Variants in OR2C1 observed in about 807,000 individuals in gnomAD.
OR2C1 encodes olfactory receptor 2C1.
For missense variants in OR2C1, 468 were observed against 388.3 expected, an observed-to-expected ratio of 1.21 and a Z score of -1.73; for synonymous variants, 209 against 167.3, an observed-to-expected ratio of 1.25 and a Z score of -1.92.
the OR2C1 span, among the ~76,000 whole-genome samples, chr16:3,326,182 C>G: frequency 0.061 from 9,334 of 151,920 alleles, 983 homozygotes; most frequent in African/African-American, 0.21. Context: ...GCCCGCCTCG[C>G]CCTCCCAAAG....
At chr16:3,344,944 T>A in the OR2C1 span, among the ~76,000 whole-genome samples, 1 of 149,702 alleles carries the variant, frequency 6.7e-6, no homozygotes, top group African/African-American at 2.5e-5. Flanking sequence ...TATATGTATG[T>A]GTGTATATAT....
chr16:3,331,801 C>T, the OR2C1 span, among the ~76,000 whole-genome samples: 10 of 149,284 alleles, frequency 6.7e-5, no homozygotes, highest in Admixed American at 6.7e-4. Flanking sequence ...GCATTATTCA[C>T]AATAGCAAAG....
the OR2C1 span, among the ~76,000 whole-genome samples, chr16:3,344,450 G>T: frequency 1.3e-5 from 2 of 152,206 alleles, no homozygotes; most frequent in South Asian, 2.1e-4. Context: ...TTTGATGGCC[G>T]GGCACGGTGG....
chr16:3,329,748 CTTTTTT>C, the OR2C1 span, among the ~76,000 whole-genome samples: 7,753 of 62,570 alleles, frequency 0.12, 421 homozygotes, highest in Non-Finnish European at 0.15. Flanking sequence ...GGCGCCCGGC[CTTTTTT>C]TTTTTTTTTT....
At chr16:3,327,884 T>C in the OR2C1 span, among the ~76,000 whole-genome samples, 1 of 152,172 alleles carries the variant, frequency 6.6e-6, no homozygotes, top group Non-Finnish European at 1.5e-5. Flanking sequence ...AAATAAATAT[T>C]CAAAGCATTA....
the OR2C1 span, chr16:3,323,014 G>A: frequency 5.1e-6 from 4 of 777,430 alleles, no homozygotes; most frequent in Non-Finnish European, 6.2e-6. Context: ...GTGATGAGAG[G>A]TACTTGCCAT....
At chr16:3,333,210 C>CTTTTTTTTTTTTTTTTTTTTTTTT in the OR2C1 span, among the ~76,000 whole-genome samples, 12 of 33,030 alleles carry the variant, frequency 3.6e-4, 6 homozygotes, top group Non-Finnish European at 4.0e-4. Context: ...ATCTTTTGCC[C>CTTTTTTTTTTTTTTTTTTTTTTTT]ATTTTTTTTT....
At chr16:3,332,887 T>C in the OR2C1 span, among the ~76,000 whole-genome samples, 74 of 152,254 alleles carry the variant, frequency 4.9e-4, no homozygotes, top group African/African-American at 1.7e-3. Context: ...CTTTTGAATA[T>C]ATATCCAGTA....
the OR2C1 span, among the ~76,000 whole-genome samples, chr16:3,346,271 A>G: frequency 1.3e-5 from 2 of 152,190 alleles, no homozygotes; most frequent in Non-Finnish European, 2.9e-5. Context: ...CCAAGTGACT[A>G]AGACATGACT....
chr16:3,335,099 G>A, the OR2C1 span, among the ~76,000 whole-genome samples: 3 of 152,180 alleles, frequency 2.0e-5, no homozygotes, highest in Non-Finnish European at 2.9e-5. Flanking sequence ...GATTACAGGC[G>A]TGAGCCACCA....
chr16:3,339,385 A>G, the OR2C1 span, among the ~76,000 whole-genome samples: 1 of 151,878 alleles, frequency 6.6e-6, no homozygotes, highest in African/African-American at 2.4e-5. Flanking sequence ...TTGGAGTGGA[A>G]TTGTGGGGTT....
At chr16:3,331,847 C>T in the OR2C1 span, among the ~76,000 whole-genome samples, 4 of 149,852 alleles carry the variant, frequency 2.7e-5, no homozygotes, top group African/African-American at 9.8e-5. Context: ...CAATGATAGA[C>T]TGGATTAAGA....
the OR2C1 span, among the ~76,000 whole-genome samples, chr16:3,331,913 C>T: frequency 6.6e-6 from 1 of 151,852 alleles, no homozygotes; most frequent in Non-Finnish European, 1.5e-5. Flanking sequence ...ATGATGAGTT[C>T]ACGTCCTTTG....
At chr16:3,329,517 T>C in the OR2C1 span, among the ~76,000 whole-genome samples, 1 of 152,062 alleles carries the variant, frequency 6.6e-6, no homozygotes, top group East Asian at 1.9e-4. Flanking sequence ...TGGCGCGATC[T>C]CAGCTCACTG....
chr16:3,339,129 G>C, the OR2C1 span, among the ~76,000 whole-genome samples: 1 of 152,084 alleles, frequency 6.6e-6, no homozygotes. Flanking sequence ...TTTGGGTCTG[G>C]CTTCTCTCAT....
chr16:3,353,902 A>G (rs1455963010), upstream of OR2C1, among the ~76,000 whole-genome samples: 4 of 151,578 alleles, frequency 2.6e-5, no homozygotes, highest in African/African-American at 9.7e-5. Context: ...GGGGATGGTG[A>G]TTGGCCCATT....
chr16:3,333,935 C>G, the OR2C1 span, among the ~76,000 whole-genome samples: 1 of 151,852 alleles, frequency 6.6e-6, no homozygotes, highest in Non-Finnish European at 1.5e-5. Flanking sequence ...TTCCCAAGCA[C>G]CATTTATTGA....
At chr16:3,324,158 C>G in the OR2C1 span, among the ~76,000 whole-genome samples, 1 of 152,084 alleles carries the variant, frequency 6.6e-6, no homozygotes, top group East Asian at 1.9e-4. Context: ...TAGGGAACAA[C>G]AGCTTGTTAC....
chr16:3,345,504 G>A, the OR2C1 span, among the ~76,000 whole-genome samples: 1 of 149,232 alleles, frequency 6.7e-6, no homozygotes, highest in South Asian at 2.1e-4. Context: ...AAAAAAGTAA[G>A]AAATAAAATA....
Sources: allele counts gnomAD v4.1 joint callset (sites outside exome capture counted in the v4.1 genomes callset), GRCh38; gene constraint gnomAD v4.1.1; transcripts MANE v1.5; gene names NCBI Gene and HGNC (gene_info 2026-07-23, HGNC 2026-07-21).